The following VPS39 variants were observed in gnomAD, a reference collection of about 807,000 sequenced individuals.
VPS39 encodes the protein vam6/Vps39-like protein.
VPS39 carries 70 observed loss-of-function variants against 121.0 expected under a neutral mutation model. The observed-to-expected ratio is 0.58, with a 90% CI of 0.48 to 0.71. The LOEUF is 0.71. VPS39 is among the 30% of genes least tolerant of loss of function. The probability of loss-of-function intolerance (pLI) is 0.00; values close to 1 mark genes in which losing one functional copy is unlikely to be tolerated. For synonymous variants in VPS39, 378 were observed against 398.1 expected (o/e 0.95, Z 0.60); for missense variants, 818 against 1,051.5 (o/e 0.78, Z 3.07).
chr15:42,173,765 G>A lies in VPS39; in HGVS notation c.1048C>T (p.Arg350Cys), dbSNP rs1472949584. 4 of 1,614,008 alleles carry A rather than the reference G, an allele frequency of 2.5e-6. No individual in the cohort carries two copies. The highest frequency in any genetic ancestry group is 3.4e-6 in the Non-Finnish European group (4 of 1,180,024). The change falls in exon 11 of 25, where the codon CGT becomes TGT. Residue 350 changes from arginine (R) to cysteine (C), a missense_variant. Physicochemically the swap from Arg to Cys is radical, Grantham distance 180. Coordinates refer to ENST00000318006, the MANE Select transcript of VPS39 (RefSeq NM_015289.5). ...LYAFNLFCQKRFDESMQVFAK... is the reference protein window; with the variant it reads ...LYAFNLFCQKCFDESMQVFAK... The stretch of plus-strand genomic sequence containing the variant: ...AAGACCTGCATGGACTCATCAAAAC[G>A]CTTCTGGCAGAAGAGGTTGAAGGCA...
At chr15:42,195,959 G>A (rs889656269) in intron 2 of VPS39, among the ~76,000 whole-genome samples, 5 of 152,102 alleles carry the variant, frequency 3.3e-5, no homozygotes, top group Admixed American at 6.5e-5. Context: ...CATGGTACTG[G>A]AACCAAAACA....
Position 42,201,828 on chromosome 15 carries a change from ACT to A in VPS39, c.74-1869_74-1868del, listed in dbSNP as rs546230854. On this transcript the variant is annotated intron_variant, in intron 1 of 24. Transcript: ENST00000318006. ...TAAAGGTCACTCATTCCTTTCATAA[ACT>A]CTCTTGATTCTTGACCTCTGTAAAA... Among the ~76,000 whole-genome samples, 336 of 152,240 alleles carry A rather than the reference ACT, an allele frequency of 2.2e-3. 1 individual carries two copies. The highest frequency in any genetic ancestry group is 4.0e-3 in the Non-Finnish European group (275 of 68,014).
chr15:42,189,299 C>G (rs2049772278), intron 4 of VPS39, 91 bp from the exon 5 acceptor site: 1 of 942,910 alleles, frequency 1.1e-6, no homozygotes, highest in Non-Finnish European at 1.7e-6. Context: ...GTGTTAACAT[C>G]TAGAAGAAGC....
chr15:42,166,085 C>A, intron 16 of VPS39, 74 bp downstream of exon 16: 1 of 1,416,338 alleles, frequency 7.1e-7, no homozygotes, highest in Non-Finnish European at 1.0e-6. Flanking sequence ...ACCCTCCTCT[C>A]CATCCACTGC....
chr15:42,166,573 C>T lies in VPS39; in HGVS notation c.1596G>A (p.Leu532=), dbSNP rs781565463. The change falls in exon 15 of 25, where the codon CTG becomes CTA. Residue 532 remains leucine, a synonymous_variant. Coordinates refer to ENST00000318006, the MANE Select transcript of VPS39 (RefSeq NM_015289.5). ...AAAAGGCGGACTTACCCAGATGCTG[C>T]AGATACTGCACTGTCCTCTCGTGGC... ...LKGHERTVQY[L]QHLGTENLHL... is the part of the protein sequence containing the mutation. 2.3e-5 allele frequency: 37 copies of T among 1,614,112 alleles called. No individual in the cohort carries two copies. The highest frequency in any genetic ancestry group is 3.3e-5 in the Admixed American group (2 of 60,012).
intron 12 of VPS39, among the ~76,000 whole-genome samples, chr15:42,168,730 G>A (rs2049293512): frequency 6.6e-6 from 1 of 151,966 alleles, no homozygotes; most frequent in Non-Finnish European, 1.5e-5. Flanking sequence ...TTTTAGTAGA[G>A]ACTGGGTTTT....
intron 10 of VPS39, among the ~76,000 whole-genome samples, chr15:42,177,697 C>T (rs1403239755): frequency 1.3e-5 from 2 of 151,212 alleles, no homozygotes; most frequent in African/African-American, 4.9e-5. Context: ...GACAGAGTCT[C>T]GCTATGTCAC....
In VPS39 at chr15:42,178,586, T is replaced by C. The variant is rs749897152; in HGVS notation, c.719-16A>G. 6.2e-7 allele frequency: 1 copy of C among 1,613,554 alleles called. No individual in the cohort carries two copies. The highest frequency in any genetic ancestry group is 1.1e-5 in the South Asian group (1 of 91,078). On this transcript the variant is annotated splice_polypyrimidine_tract_variant and intron_variant, in intron 8 of 24. Transcript: ENST00000318006. ...GGCTGGTGCTCTGTGAAAGAGAACA[T>C]ACACAGCAGTTGTTCCGGTCTAAGG...
In VPS39 at chr15:42,187,755, T is replaced by C; in HGVS notation, c.441+3A>G. The C allele has an allele frequency of 6.2e-7, 1 of 1,614,106 alleles. No homozygotes were observed. The highest frequency in any genetic ancestry group is 8.5e-7 in the Non-Finnish European group (1 of 1,179,964). ...ACCATGGACCAAGGAACAGTGGACT[T>C]ACCTGCAATTCATGAAATTCCCTGT... On this transcript the variant is annotated splice_donor_region_variant and intron_variant, in intron 6 of 24. Transcript: ENST00000318006.
rs115125575 is a variant in VPS39, at chr15:42,191,605, C to T, written c.140-45G>A. On this transcript the variant is annotated intron_variant, in intron 2 of 24. Transcript: ENST00000318006. ...ACTGGTAGTTCCAAATACAGGGATA[C>T]ATAGAAAAACCACTACTAGAAAAAT... is the stretch of plus-strand genomic sequence containing the variant. 4,109 of 1,551,828 alleles carry T rather than the reference C, an allele frequency of 2.6e-3. 88 individuals carry two copies. The African/African-American group carries it at 0.05, about 19-fold the overall frequency.
At chr15:42,198,221 A>G (rs2049985739) in intron 2 of VPS39, among the ~76,000 whole-genome samples, 1 of 152,242 alleles carries the variant, frequency 6.6e-6, no homozygotes, top group Non-Finnish European at 1.5e-5. Flanking sequence ...AAAGCAAAGC[A>G]GAGAGTCAAA....
At chr15:42,206,427 G>A (rs1566914845) in intron 1 of VPS39, among the ~76,000 whole-genome samples, 1 of 152,218 alleles carries the variant, frequency 6.6e-6, no homozygotes, top group Admixed American at 6.5e-5. Flanking sequence ...TTCGGTGGGT[G>A]ATCAAGGAAG....
intron 4 of VPS39, 43 bp downstream of exon 4, chr15:42,191,082 T>C (rs777003569): frequency 2.9e-5 from 47 of 1,605,856 alleles, no homozygotes; most frequent in Non-Finnish European, 4.0e-5. Flanking sequence ...GGTCATATCT[T>C]TTCTTGTTAG....
intron 2 of VPS39, among the ~76,000 whole-genome samples, chr15:42,197,737 C>T (rs915472013): frequency 4.6e-5 from 7 of 152,292 alleles, no homozygotes; most frequent in Admixed American, 2.0e-4. Flanking sequence ...TCAGAGCCTA[C>T]GATCCCTACC....
In VPS39 at chr15:42,167,533, C is replaced by A; in HGVS notation, c.1238G>T (p.Arg413Leu). The change falls in exon 13 of 25, where the codon CGA (arginine) becomes CTA (leucine). Residue 413 changes from arginine (R) to leucine (L), a missense_variant. Arg to Leu is a moderately radical substitution (Grantham distance 102, BLOSUM62 -2). Coordinates refer to ENST00000318006, the MANE Select transcript of VPS39 (RefSeq NM_015289.5). ...LALIDYLTQKRSQLVKKLNDS... is the reference protein window; with the variant it reads ...LALIDYLTQKLSQLVKKLNDS... ...ATTCAGCTTCTTTACCAATTGACTTCGTTTCTGCAAAGGTCAAAATGTGGG... is the reference window on the plus strand; with the variant it reads ...ATTCAGCTTCTTTACCAATTGACTTAGTTTCTGCAAAGGTCAAAATGTGGG... 2 of 1,614,014 alleles carry A rather than the reference C, an allele frequency of 1.2e-6. No individual in the cohort carries two copies. Among genetic ancestry groups the A allele is most frequent in the South Asian group, 1.1e-5 (1 of 91,070 alleles).
rs763693779 is a variant in VPS39 at position 42,164,422 on chromosome 15, G to A, written c.1962C>T (p.Leu654=). ...GELGEYRQKL[L]MFLEISSYYD... The stretch of plus-strand genomic sequence containing the variant: ...AGTAGCTGGAAATCTCCAAGAACAT[G>A]AGGAGCTTTTGCCGGTATTCTCCCA... Residue 654 remains leucine (L), a synonymous_variant, in exon 19 of 25, where the codon CTC becomes CTT. Coordinates refer to ENST00000318006, the MANE Select transcript of VPS39 (RefSeq NM_015289.5). 1 of 1,614,064 alleles carries A rather than the reference G, an allele frequency of 6.2e-7. No individual in the cohort carries two copies. Among genetic ancestry groups the A allele is most frequent in the Non-Finnish European group, 8.5e-7 (1 of 1,180,012 alleles).
chr15:42,167,377 G>A lies in VPS39; in HGVS notation c.1377+17C>T. On this transcript the variant is annotated intron_variant, in intron 13 of 24. Coordinates refer to ENST00000318006, the MANE Select transcript of VPS39 (RefSeq NM_015289.5). ...GGTAACTGGGAATTGTGGCACCCGAGCGCTCAGGTAACTCACATGGAGATA... is the reference window on the plus strand; with the variant it reads ...GGTAACTGGGAATTGTGGCACCCGAACGCTCAGGTAACTCACATGGAGATA... The A allele has an allele frequency of 1.2e-6, 2 of 1,613,588 alleles. No homozygotes were observed. Among genetic ancestry groups the A allele is most frequent in the Non-Finnish European group, 1.7e-6 (2 of 1,179,686 alleles).
chr15:42,207,452 G>A (rs566254914), intron 1 of VPS39, among the ~76,000 whole-genome samples: 18 of 152,288 alleles, frequency 1.2e-4, no homozygotes, highest in African/African-American at 4.3e-4. Context: ...AAAGGACTAT[G>A]CTAGTTTTTA....
intron 1 of VPS39, 102 bp downstream of exon 1, chr15:42,207,979 G>T: frequency 7.7e-7 from 1 of 1,300,680 alleles, no homozygotes. Context: ...GCATCCAACC[G>T]AAGCCCACAC....
Sources: allele counts gnomAD v4.1 joint callset (sites outside exome capture counted in the v4.1 genomes callset), GRCh38; gene constraint gnomAD v4.1.1; transcripts MANE v1.5; gene names NCBI Gene and HGNC (gene_info 2026-07-23, HGNC 2026-07-21).